Variants in NECAB2 observed in about 807,000 individuals in gnomAD.
NECAB2 encodes the protein N-terminal EF-hand calcium binding protein 2, also known as N-terminal EF-hand calcium-binding protein 2.
NECAB2 carries 68 observed loss-of-function variants against 51.9 expected under a neutral mutation model. The observed-to-expected ratio is 1.31, with a 90% CI of 1.08 to 1.60. The LOEUF (loss-of-function observed/expected upper bound fraction) is 1.60, where lower values mean the gene tolerates loss of function less well. NECAB2 is among the 40% of genes most tolerant of loss of function. NECAB2 has a pLI of 0.00. For synonymous variants in NECAB2, 329 were observed against 203.5 expected (o/e 1.62, Z -5.25); for missense variants, 854 against 490.3 (o/e 1.74, Z -7.00).
At chr16:83,995,909 C>T (rs1170490159) in intron 8 of NECAB2, among the ~76,000 whole-genome samples, 3 of 152,192 alleles carry the variant, frequency 2.0e-5, no homozygotes, top group African/African-American at 7.2e-5. Flanking sequence ...CAGCGGGCGC[C>T]TCGGGAGGGA....
At chr16:83,993,068 G>A (rs928593661) in intron 6 of NECAB2, among the ~76,000 whole-genome samples, 5 of 152,134 alleles carry the variant, frequency 3.3e-5, no homozygotes, top group Non-Finnish European at 5.9e-5. Context: ...GCAGCTTGTC[G>A]TGATACCTCT....
At chr16:83,965,655 T>A, upstream of NECAB2, 1 of 1,613,342 alleles carries the variant, frequency 6.2e-7, no homozygotes, top group Non-Finnish European at 8.5e-7. Flanking sequence ...TACCGCAGCC[T>A]CCCCAGGCAC....
At chr16:84,000,647 G>A (rs1331511279) in intron 10 of NECAB2, 77 bp from the exon 11 acceptor site, 3 of 1,312,646 alleles carry the variant, frequency 2.3e-6, no homozygotes, top group Middle Eastern at 1.8e-4. Flanking sequence ...GTGGGTCTCA[G>A]GCCACCCCAG....
At chr16:83,991,208 C>A (rs564477389) in intron 6 of NECAB2, among the ~76,000 whole-genome samples, 5 of 151,236 alleles carry the variant, frequency 3.3e-5, no homozygotes, top group African/African-American at 9.7e-5. Flanking sequence ...GTCTTGAACT[C>A]CTGGCCTCAC....
intron 2 of NECAB2, among the ~76,000 whole-genome samples, chr16:83,976,706 G>GT (rs2084415298): frequency 1.3e-5 from 2 of 152,170 alleles, no homozygotes; most frequent in African/African-American, 4.8e-5. Flanking sequence ...TGCGATGGGG[G>GT]CATCTTGGGA....
intron 9 of NECAB2, among the ~76,000 whole-genome samples, chr16:83,997,957 T>A (rs905089039): frequency 6.6e-6 from 1 of 152,302 alleles, no homozygotes; most frequent in Middle Eastern, 3.4e-3. Context: ...TGGACATGGA[T>A]GGGGCCTCTG....
chr16:83,981,006 T>C, intron 4 of NECAB2, 24 bp from the exon 5 acceptor site: 5 of 1,612,004 alleles, frequency 3.1e-6, no homozygotes, highest in Non-Finnish European at 4.2e-6. Context: ...CTGTGACCCC[T>C]GACCTTTGCC....
intron 8 of NECAB2, among the ~76,000 whole-genome samples, chr16:83,996,317 C>T (rs1023755872): frequency 2.6e-5 from 4 of 152,202 alleles, no homozygotes; most frequent in African/African-American, 7.2e-5. Context: ...TGCTGTGTGC[C>T]CCCAGAAGGC....
chr16:83,997,101 C>A, intron 8 of NECAB2, 115 bp from the exon 9 acceptor site: 1 of 1,223,386 alleles, frequency 8.2e-7, no homozygotes, highest in Non-Finnish European at 1.2e-6. Context: ...CAGCCCTGTG[C>A]AACAGGGCCG....
chr16:83,998,448 G>A (rs778583232), intron 10 of NECAB2, 131 bp downstream of exon 10: 75 of 826,292 alleles, frequency 9.1e-5, no homozygotes, highest in Middle Eastern at 3.4e-4. Flanking sequence ...AGCTGGATGC[G>A]TAAGAAGTGG....
At chr16:83,989,312 T>C (rs2084592508) in intron 5 of NECAB2, among the ~76,000 whole-genome samples, 1 of 152,218 alleles carries the variant, frequency 6.6e-6, no homozygotes, top group South Asian at 2.1e-4. Context: ...CAGCAGACCC[T>C]GGTCTGGCTG....
At chr16:83,981,799 A>G (rs531848108) in intron 5 of NECAB2, among the ~76,000 whole-genome samples, 21 of 152,260 alleles carry the variant, frequency 1.4e-4, no homozygotes, top group Admixed American at 2.6e-4. Context: ...CATAGGGCAC[A>G]CTGGTCCAGG....
chr16:83,997,227 C>G lies in NECAB2; in HGVS notation c.807C>G (p.Phe269Leu), dbSNP rs372069049. The change falls in exon 9 of 13, where the codon TTC (phenylalanine) becomes TTG (leucine). Residue 269 changes from phenylalanine to leucine, a missense_variant. Transcript: ENST00000305202. ...CTGGATTGTTTCAGGCACTGTGGTT[C>G]GACCTGCAGCAGCGCCTGTCAGATG... ...IGRLESKALW[F>L]DLQQRLSDED... 6.8e-6 allele frequency: 11 copies of G among 1,613,970 alleles called. No individual in the cohort carries two copies. Among genetic ancestry groups the G allele is most frequent in the African/African-American group, 1.3e-5 (1 of 74,876 alleles).
intron 2 of NECAB2, among the ~76,000 whole-genome samples, chr16:83,975,495 T>G (rs1021324629): frequency 6.6e-6 from 1 of 152,008 alleles, no homozygotes; most frequent in Non-Finnish European, 1.5e-5. Context: ...GAGCGGGAGA[T>G]GGGGTGCAAA....
intron 10 of NECAB2, 100 bp from the exon 11 acceptor site, chr16:84,000,624 G>C (rs181627789): frequency 4.6e-6 from 4 of 865,778 alleles, no homozygotes; most frequent in Non-Finnish European, 7.5e-6. Context: ...GAAGGCAGCC[G>C]TTGTGTATAG....
At chr16:83,965,263 G>A (rs1194029135), upstream of NECAB2, 14 of 1,610,156 alleles carry the variant, frequency 8.7e-6, no homozygotes, top group Non-Finnish European at 1.2e-5. Context: ...CCAGGAACCA[G>A]GCCCAGCAGC....
At position 83,990,493 on chromosome 16, in the gene NECAB2, G is replaced by A; in HGVS notation, c.460-1G>A. 6.2e-7 allele frequency: 1 copy of A among 1,614,052 alleles called. No individual in the cohort carries two copies. Among genetic ancestry groups the A allele is most frequent in the Non-Finnish European group, 8.5e-7 (1 of 1,179,994 alleles). ...CAGTGCCTCTTCTCTTCCTTCCACA[G>A]GTATATGAGGGTGGGAGCAACGTGG... On this transcript the variant is annotated splice_acceptor_variant, in intron 5 of 12. Coordinates refer to ENST00000305202, the MANE Select transcript of NECAB2 (RefSeq NM_019065.3). LOFTEE classifies it high-confidence loss of function.
intron 1 of NECAB2, among the ~76,000 whole-genome samples, chr16:83,969,306 G>T (rs1278145535): frequency 6.6e-6 from 1 of 151,576 alleles, no homozygotes; most frequent in Non-Finnish European, 1.5e-5. Flanking sequence ...ACCTCTCTTC[G>T]CCCTAGACCC....
At chr16:84,002,229 C>T in intron 12 of NECAB2, 89 bp from the exon 13 acceptor site, 1 of 1,501,974 alleles carries the variant, frequency 6.7e-7, no homozygotes, top group Admixed American at 1.7e-5. Context: ...CAAAGCCATC[C>T]CCCGACCTGT....
Sources: gnomAD v4.1 joint callset for allele counts (sites outside exome capture counted in the v4.1 genomes callset) on GRCh38, gnomAD v4.1.1 for gene constraint, MANE v1.5 for transcripts, NCBI Gene and HGNC (gene_info 2026-07-23, HGNC 2026-07-21) for gene names.